The following CDK13 variants were observed in gnomAD, a reference collection of about 807,000 sequenced individuals.
CDK13 encodes cyclin dependent kinase 13.
In CDK13, 40 loss-of-function variants were observed where a neutral mutation model predicts 137.6. The observed-to-expected ratio is 0.29, with a 90% CI of 0.23 to 0.38. The LOEUF is 0.38. Among genes scored for constraint, CDK13 ranks in the 10% least tolerant of loss-of-function variants. The probability of loss-of-function intolerance (pLI) is 1.00; values close to 1 mark genes in which losing one functional copy is unlikely to be tolerated. For missense variants in CDK13, 1,704 were observed against 1,951.8 expected, an observed-to-expected ratio of 0.87 and a Z score of 2.39; for synonymous variants, 869 against 760.1, an observed-to-expected ratio of 1.14 and a Z score of -2.36.
At chr7:40,007,128 C>T (rs1364640815) in intron 5 of CDK13, among the ~76,000 whole-genome samples, 2 of 152,190 alleles carry the variant, frequency 1.3e-5, no homozygotes, top group Non-Finnish European at 2.9e-5. Context: ...GACACCCAAA[C>T]ATCAGTATTA....
chr7:40,074,002 A>G (rs1786483247), intron 9 of CDK13, among the ~76,000 whole-genome samples: 1 of 150,438 alleles, frequency 6.6e-6, no homozygotes, highest in African/African-American at 2.5e-5. Flanking sequence ...TCCCAGGTTC[A>G]AGTGATTCTC....
At chr7:40,088,410 C>CAAT in intron 12 of CDK13, 79 bp downstream of exon 12, 1 of 1,070,370 alleles carries the variant, frequency 9.3e-7, no homozygotes, top group Non-Finnish European at 1.4e-6. Context: ...AATGTTAAAG[C>CAAT]ATCTTGTGGC....
At chr7:40,074,054 A>G (rs1218775434) in intron 9 of CDK13, among the ~76,000 whole-genome samples, 1 of 152,010 alleles carries the variant, frequency 6.6e-6, no homozygotes, top group Non-Finnish European at 1.5e-5. Flanking sequence ...GGTGTGCGCC[A>G]CCATGCCCAG....
intron 5 of CDK13, among the ~76,000 whole-genome samples, chr7:40,039,117 C>G (rs953727308): frequency 1.3e-5 from 2 of 151,890 alleles, no homozygotes; most frequent in Admixed American, 1.3e-4. Context: ...GATCTTTTCT[C>G]CCCCTAATTT....
chr7:40,021,975 C>G (rs1785136197), intron 5 of CDK13, among the ~76,000 whole-genome samples: 1 of 152,182 alleles, frequency 6.6e-6, no homozygotes, highest in African/African-American at 2.4e-5. Context: ...GTTCCCACTC[C>G]CAGTTGTAGT....
At chr7:39,972,851 G>C (rs1784029319) in intron 1 of CDK13, among the ~76,000 whole-genome samples, 1 of 152,044 alleles carries the variant, frequency 6.6e-6, no homozygotes, top group African/African-American at 2.4e-5. Flanking sequence ...ATAATTCTAT[G>C]TTTAAGATTT....
intron 9 of CDK13, 51 bp from the exon 10 acceptor site, chr7:40,077,954 G>A (rs756877949): frequency 1.3e-6 from 1 of 746,206 alleles, no homozygotes; most frequent in South Asian, 2.3e-5. Context: ...ACAGTTGTAT[G>A]TATTCTTTAT....
intron 1 of CDK13, among the ~76,000 whole-genome samples, chr7:39,969,223 G>C (rs1260325567): frequency 1.3e-5 from 2 of 152,054 alleles, no homozygotes. Flanking sequence ...ATGTTGGCCA[G>C]CTGGTCTCGA....
chr7:40,049,926 A>G (rs1785845934), intron 7 of CDK13, among the ~76,000 whole-genome samples: 1 of 151,350 alleles, frequency 6.6e-6, no homozygotes, highest in Admixed American at 6.6e-5. Flanking sequence ...CTTGTTTTTT[A>G]AAGACTTGAA....
chr7:40,018,500 A>T (rs1785048965), intron 5 of CDK13, among the ~76,000 whole-genome samples: 1 of 152,146 alleles, frequency 6.6e-6, no homozygotes, highest in East Asian at 1.9e-4. Context: ...AAGATATGGA[A>T]CCAACCTAAG....
Position 40,094,445 on chromosome 7 carries a change from A to T in CDK13, c.4004A>T (p.Tyr1335Phe), listed in dbSNP as rs750493486. The T allele has an allele frequency of 3.7e-6, 6 of 1,614,002 alleles. No individual in the cohort carries two copies. The South Asian group carries it at 6.6e-5, about 18-fold the overall frequency. Reference protein sequence around the residue: ...AGDTYVSTSDYKDNFGSSSFS... With the variant: ...AGDTYVSTSDFKDNFGSSSFS... ...GACACTTACGTGTCCACTTCAGACT[A>T]CAAGGACAACTTTGGATCCTCTTCT... The change falls in exon 14 of 14, where the codon TAC becomes TTC. Residue 1335 changes from tyrosine (Y) to phenylalanine (F), a missense_variant. Transcript: ENST00000181839.
At position 39,979,575 on chromosome 7, in the gene CDK13, A is replaced by G. The variant is rs568379525; in HGVS notation, c.1212-8024A>G. On this transcript the variant is annotated intron_variant, in intron 1 of 13. Coordinates refer to ENST00000181839, the MANE Select transcript of CDK13 (RefSeq NM_003718.5). ...CTCTAGGGAAGTGGTAATGAGGTCTAAAGTAGAACAGTGTCCTCGAGAATG... is the reference window on the plus strand; with the variant it reads ...CTCTAGGGAAGTGGTAATGAGGTCTGAAGTAGAACAGTGTCCTCGAGAATG... Among the ~76,000 whole-genome samples, 9 of 152,250 alleles carry G rather than the reference A, an allele frequency of 5.9e-5. No individual in the cohort carries two copies. In the East Asian group the frequency reaches 1.5e-3, roughly 26 times the overall value.
At chr7:40,011,288 C>T (rs578178757) in intron 5 of CDK13, among the ~76,000 whole-genome samples, 243 of 152,232 alleles carry the variant, frequency 1.6e-3, no homozygotes, top group Admixed American at 3.2e-3. Context: ...CCTTGGAGGC[C>T]GAGGCAGGAG....
At position 39,950,315 on chromosome 7, in the gene CDK13, G is replaced by A; in HGVS notation, c.-327G>A. 8 of 1,119,254 alleles carry A rather than the reference G, an allele frequency of 7.1e-6. No homozygotes were observed. Among genetic ancestry groups the A allele is most frequent in the Non-Finnish European group, 8.7e-6 (8 of 916,348 alleles). 69.3% of individuals were successfully genotyped at this position (1,119,254 alleles called of 1,614,324 possible). A position where few individuals can be genotyped will look rare whatever the true frequency, so the allele number is the denominator to read the frequency against. ...GCCAAGGCCGCTCCCCCACCCCCGG[G>A]GGCACTTGGAGGACTCGGGACTCCC... is the stretch of plus-strand genomic sequence containing the variant. On this transcript the variant is annotated 5_prime_UTR_variant, in exon 1 of 14. Coordinates refer to ENST00000181839, the MANE Select transcript of CDK13 (RefSeq NM_003718.5).
intron 5 of CDK13, among the ~76,000 whole-genome samples, chr7:40,013,303 GA>G (rs1310641899): frequency 6.6e-6 from 1 of 152,122 alleles, no homozygotes; most frequent in Non-Finnish European, 1.5e-5. Context: ...AGTTTTGCAA[GA>G]TTAAAAGAGT....
intron 5 of CDK13, among the ~76,000 whole-genome samples, chr7:40,010,869 A>G (rs1199860372): frequency 6.6e-6 from 1 of 152,222 alleles, no homozygotes; most frequent in Non-Finnish European, 1.5e-5. Flanking sequence ...TCTGTATACA[A>G]GTAATGAACA....
In CDK13 at chr7:39,950,693, G is replaced by T; in HGVS notation, c.52G>T (p.Ala18Ser). Reference sequence around the variant, plus strand: ...GGGGGGAGGCGGGGGCCTGAGCTGGGCGGAGAAGAAGTTGGAGGAACGCCG... The same window carrying T: ...GGGGGGAGGCGGGGGCCTGAGCTGGTCGGAGAAGAAGTTGGAGGAACGCCG... ...ALGGGGGLSW[A>S]EKKLEERRKR... The change falls in exon 1 of 14, where the codon GCG (alanine) becomes TCG (serine). Residue 18 changes from alanine (A) to serine (S), a missense_variant. Physicochemically the swap from Ala to Ser is moderately conservative, Grantham distance 99 (BLOSUM62 1). Coordinates refer to ENST00000181839, the MANE Select transcript of CDK13 (RefSeq NM_003718.5). The T allele has an allele frequency of 7.0e-7, 1 of 1,438,498 alleles. No homozygotes were observed. 89.1% of individuals were successfully genotyped at this position (1,438,498 alleles called of 1,614,324 possible). A position where few individuals can be genotyped will look rare whatever the true frequency, so the allele number is the denominator to read the frequency against.
intron 1 of CDK13, among the ~76,000 whole-genome samples, chr7:39,966,916 G>A (rs1422947961): frequency 6.6e-6 from 1 of 152,144 alleles, no homozygotes; most frequent in Non-Finnish European, 1.5e-5. Flanking sequence ...AGCGGAGGCT[G>A]CAGACCAGCG....
At chr7:40,022,384 C>A (rs1359494845) in intron 5 of CDK13, among the ~76,000 whole-genome samples, 1 of 152,176 alleles carries the variant, frequency 6.6e-6, no homozygotes, top group African/African-American at 2.4e-5. Flanking sequence ...TAGGTTCCTT[C>A]TCTTCCAATA....
Sources: gnomAD v4.1 joint callset for allele counts (sites outside exome capture counted in the v4.1 genomes callset) on GRCh38, gnomAD v4.1.1 for gene constraint, MANE v1.5 for transcripts, NCBI Gene and HGNC (gene_info 2026-07-23, HGNC 2026-07-21) for gene names.